FOXP1: variants seen among roughly 807,000 people sequenced by gnomAD.
FOXP1 encodes the protein forkhead box protein P1.
In FOXP1, 15 loss-of-function variants were observed where a neutral mutation model predicts 98.2. The ratio of observed to expected loss-of-function variants is 0.15; its 90% CI spans 0.10 to 0.24. FOXP1 has a LOEUF of 0.24. Among genes scored for constraint, FOXP1 ranks in the 10% least tolerant of loss-of-function variants. The pLI, the probability that FOXP1 is intolerant of heterozygous loss-of-function variation, is 1.00. For missense variants in FOXP1, 633 were observed against 848.5 expected, an observed-to-expected ratio of 0.75 and a Z score of 3.15; for synonymous variants, 371 against 314.5, an observed-to-expected ratio of 1.18 and a Z score of -1.90.
chr3:71,043,184 G>A (rs1326522381), intron 10 of FOXP1, among the ~76,000 whole-genome samples: 5 of 152,196 alleles, frequency 3.3e-5, no homozygotes, highest in African/African-American at 1.2e-4. Context: ...GGCTTCAAAT[G>A]ATACATTAAG....
At chr3:71,126,194 G>T (rs1366090396) in intron 6 of FOXP1, among the ~76,000 whole-genome samples, 5 of 152,138 alleles carry the variant, frequency 3.3e-5, no homozygotes, top group African/African-American at 4.8e-5. Flanking sequence ...ATTAAGAAAA[G>T]AAATTTTTGG....
chr3:71,278,989 C>T (rs969354298), intron 5 of FOXP1, among the ~76,000 whole-genome samples: 2 of 151,642 alleles, frequency 1.3e-5, no homozygotes, highest in South Asian at 2.1e-4. Context: ...GTCAGGAGTT[C>T]GAGACCAGCC....
intron 14 of FOXP1, among the ~76,000 whole-genome samples, chr3:70,985,405 G>C (rs1177121422): frequency 1.3e-5 from 2 of 151,954 alleles, no homozygotes; most frequent in East Asian, 1.9e-4. Context: ...TTTTGGCAAA[G>C]AAGTGAAAAT....
At chr3:71,511,788 TAA>T (rs1203575955) in intron 2 of FOXP1, among the ~76,000 whole-genome samples, 2 of 152,226 alleles carry the variant, frequency 1.3e-5, no homozygotes, top group African/African-American at 2.4e-5. Context: ...TACAGATTTT[TAA>T]AAGAGAAACT....
At chr3:71,334,345 T>G (rs1297684760) in intron 4 of FOXP1, 1 of 152,090 alleles carries the variant, frequency 6.6e-6, no homozygotes, top group African/African-American at 2.4e-5. Context: ...GAGGCACAGG[T>G]TGCAGCGAGC....
intron 3 of FOXP1, among the ~76,000 whole-genome samples, chr3:71,474,631 A>AC (rs2089658930): frequency 6.6e-6 from 1 of 152,048 alleles, no homozygotes; most frequent in African/African-American, 2.4e-5. Flanking sequence ...CCTATTGTGA[A>AC]CTGCACATGT....
chr3:71,445,776 C>A (rs2086358985), intron 3 of FOXP1, among the ~76,000 whole-genome samples: 1 of 150,822 alleles, frequency 6.6e-6, no homozygotes, highest in East Asian at 1.9e-4. Flanking sequence ...CAACCCCCGC[C>A]TCCTGGGTTC....
intron 11 of FOXP1, among the ~76,000 whole-genome samples, chr3:71,039,971 C>T (rs977838832): frequency 1.3e-5 from 2 of 152,126 alleles, no homozygotes; most frequent in Admixed American, 1.3e-4. Context: ...TCTTCGGTGT[C>T]TGCCTCAGAA....
At chr3:71,254,622 C>T (rs1224044600) in intron 5 of FOXP1, among the ~76,000 whole-genome samples, 3 of 152,142 alleles carry the variant, frequency 2.0e-5, no homozygotes, top group Non-Finnish European at 2.9e-5. Flanking sequence ...CATTTTTATT[C>T]TCAATCTTGT....
At chr3:71,369,937 A>G (rs994370353) in intron 3 of FOXP1, among the ~76,000 whole-genome samples, 3 of 152,206 alleles carry the variant, frequency 2.0e-5, no homozygotes, top group Non-Finnish European at 4.4e-5. Flanking sequence ...ACAAAAGCAC[A>G]TGGGAATGAT....
chr3:71,115,968 C>G (rs1179643449), intron 6 of FOXP1, among the ~76,000 whole-genome samples: 1 of 152,056 alleles, frequency 6.6e-6, no homozygotes, highest in Admixed American at 6.5e-5. Context: ...AACTCCTGAC[C>G]TCAGTGATCT....
chr3:71,082,809 G>C (rs183814792), intron 7 of FOXP1, among the ~76,000 whole-genome samples: 16 of 152,230 alleles, frequency 1.1e-4, no homozygotes, highest in Admixed American at 8.5e-4. Flanking sequence ...TCCAGGTTTG[G>C]GATTAAACGT....
chr3:71,274,951 T>C (rs945532893), intron 5 of FOXP1, among the ~76,000 whole-genome samples: 1 of 152,212 alleles, frequency 6.6e-6, no homozygotes, highest in Non-Finnish European at 1.5e-5. Context: ...ATGCATATTA[T>C]ACTCATATAC....
intron 2 of FOXP1, among the ~76,000 whole-genome samples, chr3:71,559,568 G>A (rs1279026301): frequency 6.6e-6 from 1 of 152,178 alleles, no homozygotes; most frequent in Non-Finnish European, 1.5e-5. Flanking sequence ...CCAGGGCTGG[G>A]GATGGTGGCT....
intron 6 of FOXP1, among the ~76,000 whole-genome samples, chr3:71,146,396 A>G (rs961247583): frequency 6.6e-6 from 1 of 152,176 alleles, no homozygotes; most frequent in African/African-American, 2.4e-5. Context: ...AGCACTTGGA[A>G]AACACACACA....
intron 2 of FOXP1, among the ~76,000 whole-genome samples, chr3:71,518,101 T>C (rs906671510): frequency 2.6e-4 from 40 of 152,244 alleles, no homozygotes; most frequent in African/African-American, 7.9e-4. Context: ...CCATAGAAAA[T>C]CTTGCTGGAC....
chr3:70,955,230 AG>A lies in FOXP1; in HGVS notation c.*4016del. Reference sequence around the variant, plus strand: ...TTTTTTAACTCTATTTTTTTTCATGAGGAAAAAAAAGCTAGTGATTTACAGC... The same window carrying A: ...TTTTTTAACTCTATTTTTTTTCATGAGAAAAAAAAGCTAGTGATTTACAGC... On this transcript the variant is annotated 3_prime_UTR_variant, in exon 21 of 21. Transcript: ENST00000649528. 1 of 232,580 alleles carries A rather than the reference AG, an allele frequency of 4.3e-6. No homozygotes were observed. The highest frequency in any genetic ancestry group is 2.2e-5 in the African/African-American group (1 of 45,376). 14.4% of individuals were successfully genotyped at this position (232,580 alleles called of 1,614,324 possible). A position where few individuals can be genotyped will look rare whatever the true frequency, so the allele number is the denominator to read the frequency against.
intron 2 of FOXP1, among the ~76,000 whole-genome samples, chr3:71,552,317 C>CA (rs1315533830): frequency 2.6e-5 from 4 of 151,624 alleles, no homozygotes; most frequent in Non-Finnish European, 4.4e-5. Flanking sequence ...ATAAAATGTA[C>CA]AAAAAACAGA....
At chr3:71,387,981 G>A (rs1054286159) in intron 3 of FOXP1, among the ~76,000 whole-genome samples, 3 of 152,302 alleles carry the variant, frequency 2.0e-5, no homozygotes, top group South Asian at 2.1e-4. Flanking sequence ...AATTTTTCCC[G>A]AAAGTCTGTT....
Sources: allele counts gnomAD v4.1 joint callset (sites outside exome capture counted in the v4.1 genomes callset), GRCh38; gene constraint gnomAD v4.1.1; transcripts MANE v1.5; gene names NCBI Gene and HGNC (gene_info 2026-07-23, HGNC 2026-07-21).